The following ZMAT4 variants were observed in gnomAD, a reference collection of about 807,000 sequenced individuals.
ZMAT4 encodes the protein zinc finger matrin-type protein 4.
A neutral mutation model predicts 28.7 loss-of-function variants in ZMAT4; 17 were observed. The observed-to-expected ratio is 0.59, with a 90% CI of 0.41 to 0.89. The LOEUF (loss-of-function observed/expected upper bound fraction) is 0.89. ZMAT4 is among the 40% of genes least tolerant of loss of function. ZMAT4 has a pLI of 0.00. For missense variants in ZMAT4, 240 were observed against 283.8 expected (o/e 0.85, Z 1.11); for synonymous variants, 117 against 109.2 (o/e 1.07, Z -0.44).
chr8:40,621,349 C>A (rs1806190243), intron 5 of ZMAT4, among the ~76,000 whole-genome samples: 1 of 152,192 alleles, frequency 6.6e-6, no homozygotes, highest in East Asian at 1.9e-4. Flanking sequence ...ATGCAAGAGT[C>A]TGAAGACAAT....
At chr8:40,693,315 T>C (rs1809736648) in intron 4 of ZMAT4, among the ~76,000 whole-genome samples, 1 of 151,930 alleles carries the variant, frequency 6.6e-6, no homozygotes, top group Non-Finnish European at 1.5e-5. Flanking sequence ...AGGGTCTCAC[T>C]ACATTGCCCA....
chr8:40,569,967 C>T (rs756531798), intron 6 of ZMAT4, among the ~76,000 whole-genome samples: 1 of 152,154 alleles, frequency 6.6e-6, no homozygotes, highest in African/African-American at 2.4e-5. Context: ...TGATTGGAAC[C>T]TTGACTACTC....
At chr8:40,892,646 T>C (rs1268508760) in intron 1 of ZMAT4, among the ~76,000 whole-genome samples, 1 of 152,232 alleles carries the variant, frequency 6.6e-6, no homozygotes, top group African/African-American at 2.4e-5. Flanking sequence ...ATGGAGGACC[T>C]GGATTCTGGT....
intron 2 of ZMAT4, among the ~76,000 whole-genome samples, chr8:40,799,079 CTGGATGGA>C (rs59636035): frequency 1.3e-5 from 2 of 150,282 alleles, no homozygotes; most frequent in African/African-American, 4.9e-5. Flanking sequence ...GGCTGGCTGG[CTGGATGGA>C]TGGATGGATG....
At chr8:40,597,701 T>C (rs547173256) in intron 5 of ZMAT4, among the ~76,000 whole-genome samples, 62 of 152,344 alleles carry the variant, frequency 4.1e-4, no homozygotes, top group African/African-American at 1.5e-3. Context: ...CTCATATCTC[T>C]GAGTTCAGAG....
Position 40,654,401 on chromosome 8 carries a change from A to G in ZMAT4, c.577+20303T>C, listed in dbSNP as rs2118832001. On this transcript the variant is annotated intron_variant, in intron 5 of 6. Transcript: ENST00000297737. ...TCAAAGCATCACATACATAAAGCTCATGTGTGCTGCTGGTCATATCTTTTT... is the reference window on the plus strand; with the variant it reads ...TCAAAGCATCACATACATAAAGCTCGTGTGTGCTGCTGGTCATATCTTTTT... 4.6e-5 allele frequency among the ~76,000 whole-genome samples: 7 copies of G among 152,266 alleles called. No individual in the cohort carries two copies. In the Middle Eastern group the frequency reaches 0.01, roughly 222 times the overall value.
chr8:40,717,672 C>A (rs1810915643), intron 3 of ZMAT4, among the ~76,000 whole-genome samples: 1 of 151,262 alleles, frequency 6.6e-6, no homozygotes. Context: ...AAAAAGCAAA[C>A]AAAAAAATTA....
intron 1 of ZMAT4, chr8:40,884,452 C>T (rs1240237442): frequency 4.0e-5 from 6 of 151,482 alleles, no homozygotes; most frequent in African/African-American, 1.5e-4. Flanking sequence ...AGCTTTACAG[C>T]TCCACTCCTC....
chr8:40,613,588 C>T (rs924910709), intron 5 of ZMAT4, among the ~76,000 whole-genome samples: 20 of 152,030 alleles, frequency 1.3e-4, no homozygotes, highest in Non-Finnish European at 2.5e-4. Context: ...CTGTCTTCTT[C>T]CCAGCTCACA....
At chr8:40,564,572 C>A (rs975498986) in intron 6 of ZMAT4, among the ~76,000 whole-genome samples, 17 of 152,150 alleles carry the variant, frequency 1.1e-4, no homozygotes, top group Admixed American at 9.2e-4. Flanking sequence ...AGTTACCTAG[C>A]AGGTGTGTAT....
intron 3 of ZMAT4, among the ~76,000 whole-genome samples, chr8:40,709,781 G>A (rs937337233): frequency 2.0e-5 from 3 of 152,186 alleles, no homozygotes; most frequent in Non-Finnish European, 2.9e-5. Flanking sequence ...GCTCATGCCT[G>A]TAATCCCAGG....
intron 5 of ZMAT4, among the ~76,000 whole-genome samples, chr8:40,639,156 G>A (rs913241931): frequency 2.6e-5 from 4 of 152,204 alleles, no homozygotes; most frequent in Non-Finnish European, 4.4e-5. Flanking sequence ...AACATGGACC[G>A]GCCACTCTTC....
At position 40,741,159 on chromosome 8, in the gene ZMAT4, C is replaced by T. The variant is rs577417150; in HGVS notation, c.192+26482G>A. Among the ~76,000 whole-genome samples the T allele has an allele frequency of 6.6e-5, 10 of 152,122 alleles. No individual in the cohort carries two copies. The East Asian group carries it at 1.9e-3, about 29-fold the overall frequency. ...AAAGGTTGTGAAGGTTTAAAAAAGA[C>T]ATTGGCCGGGCATGGTGGCTCATGT... is the stretch of plus-strand genomic sequence containing the variant. On this transcript the variant is annotated intron_variant, in intron 3 of 6. Transcript: ENST00000297737.
At chr8:40,578,724 A>G (rs1347003728) in intron 6 of ZMAT4, among the ~76,000 whole-genome samples, 2 of 152,204 alleles carry the variant, frequency 1.3e-5, no homozygotes, top group Non-Finnish European at 2.9e-5. Flanking sequence ...TTTTCTTCAC[A>G]AAGAGAGCAG....
chr8:40,625,149 G>T (rs1301667860), intron 5 of ZMAT4, among the ~76,000 whole-genome samples: 1 of 152,064 alleles, frequency 6.6e-6, no homozygotes, highest in Non-Finnish European at 1.5e-5. Flanking sequence ...AAATCCCAAG[G>T]CTCTGAAAGA....
intron 2 of ZMAT4, among the ~76,000 whole-genome samples, chr8:40,801,741 A>G (rs1408254782): frequency 6.6e-6 from 1 of 152,278 alleles, no homozygotes; most frequent in East Asian, 1.9e-4. Flanking sequence ...GGCCAGCATT[A>G]CTCTAGTACC....
At chr8:40,891,274 G>C in intron 1 of ZMAT4, among the ~76,000 whole-genome samples, 1 of 142,612 alleles carries the variant, frequency 7.0e-6, no homozygotes, top group African/African-American at 2.6e-5. Context: ...GAGGGGGAAG[G>C]GGAAATTGAA....
In ZMAT4 at chr8:40,840,096, GA is replaced by G. The variant is rs1372335043; in HGVS notation, c.-4-14417del. Among the ~76,000 whole-genome samples, 7 of 152,310 alleles carry G rather than the reference GA, an allele frequency of 4.6e-5. No homozygotes were observed. In the East Asian group the frequency reaches 1.3e-3, roughly 29 times the overall value. ...TGGAAATCTTGTGGTGGACAAGGGAGATGCATGGCTGAGGTGCCCTTTCAAG... is the reference window on the plus strand; with the variant it reads ...TGGAAATCTTGTGGTGGACAAGGGAGTGCATGGCTGAGGTGCCCTTTCAAG... On this transcript the variant is annotated intron_variant, in intron 1 of 6. Transcript: ENST00000297737.
intron 5 of ZMAT4, among the ~76,000 whole-genome samples, chr8:40,597,679 G>T (rs1805150084): frequency 6.6e-6 from 1 of 152,154 alleles, no homozygotes; most frequent in Admixed American, 6.5e-5. Context: ...TTTTTCTTTT[G>T]TCTTTTGGTA....
Sources: gnomAD v4.1 joint callset for allele counts (sites outside exome capture counted in the v4.1 genomes callset) on GRCh38, gnomAD v4.1.1 for gene constraint, MANE v1.5 for transcripts, NCBI Gene and HGNC (gene_info 2026-07-23, HGNC 2026-07-21) for gene names.